The following PPFIA2 variants were observed in gnomAD, a reference collection of about 807,000 sequenced individuals.
PPFIA2 encodes the protein PPFI scaffold protein A2.
In PPFIA2, 46 loss-of-function variants were observed where a neutral mutation model predicts 175.5. The ratio of observed to expected loss-of-function variants is 0.26; its 90% confidence interval spans 0.21 to 0.34. The LOEUF (loss-of-function observed/expected upper bound fraction) is 0.34, where lower values mean the gene tolerates loss of function less well. Ranked by LOEUF, PPFIA2 falls within the 10% of genes least tolerant of loss-of-function variation. The pLI, the probability that PPFIA2 is intolerant of heterozygous loss-of-function variation, is 1.00. For synonymous variants in PPFIA2, 568 were observed against 511.4 expected (o/e 1.11, Z -1.49); for missense variants, 1,179 against 1,506.1 (o/e 0.78, Z 3.60).
intron 2 of PPFIA2, among the ~76,000 whole-genome samples, chr12:81,757,322 T>C (rs1487678105): frequency 6.6e-6 from 1 of 152,200 alleles, no homozygotes; most frequent in Non-Finnish European, 1.5e-5. Context: ...AAAAACTGCA[T>C]TCATCACATA....
At chr12:81,530,095 A>G (rs1319046845) in intron 4 of PPFIA2, among the ~76,000 whole-genome samples, 3 of 152,022 alleles carry the variant, frequency 2.0e-5, no homozygotes, top group African/African-American at 4.8e-5. Flanking sequence ...TTCAGCATCC[A>G]TAAAGATGTT....
At chr12:81,389,303 T>A (rs887046154) in intron 8 of PPFIA2, among the ~76,000 whole-genome samples, 1 of 151,596 alleles carries the variant, frequency 6.6e-6, no homozygotes, top group African/African-American at 2.4e-5. Flanking sequence ...TCCATTAAAA[T>A]CTTGTTAATG....
At chr12:81,707,005 T>C (rs1353390353) in intron 3 of PPFIA2, among the ~76,000 whole-genome samples, 2 of 152,038 alleles carry the variant, frequency 1.3e-5, no homozygotes, top group Non-Finnish European at 2.9e-5. Context: ...CCTTACACCT[T>C]ATACAAAAAT....
chr12:81,647,762 AATAT>A (rs34245057), intron 4 of PPFIA2, among the ~76,000 whole-genome samples: 2 of 136,526 alleles, frequency 1.5e-5, no homozygotes, highest in Non-Finnish European at 1.5e-5. Flanking sequence ...CTCTGTCTCA[AATAT>A]ATATATATAT....
chr12:81,264,048 C>G (rs2036474280), intron 30 of PPFIA2, among the ~76,000 whole-genome samples: 1 of 152,078 alleles, frequency 6.6e-6, no homozygotes, highest in Middle Eastern at 3.2e-3. Context: ...CATAATATTA[C>G]CCTGGTTACA....
At chr12:81,544,179 C>A (rs2066638099) in intron 4 of PPFIA2, among the ~76,000 whole-genome samples, 1 of 152,126 alleles carries the variant, frequency 6.6e-6, no homozygotes, top group South Asian at 2.1e-4. Context: ...GCTTTCTGTG[C>A]TATCTTCACA....
Position 81,508,494 on chromosome 12 carries a change from C to A in PPFIA2, c.304-50628G>T, listed in dbSNP as rs549455430. Among the ~76,000 whole-genome samples the A allele has an allele frequency of 8.1e-5, 10 of 123,362 alleles. No homozygotes were observed. In the South Asian group the frequency reaches 2.3e-3, roughly 29 times the overall value. The allele number at this position is 123,362 out of a possible 152,430, so 80.9% of individuals were successfully genotyped here. On this transcript the variant is annotated intron_variant, in intron 4 of 32. Transcript: ENST00000549396. Reference sequence around the variant, plus strand: ...CAAGATCATGCCATTGCACTCCAGCCTGGACAACAAGAGCAAAATTCCACC... The same window carrying A: ...CAAGATCATGCCATTGCACTCCAGCATGGACAACAAGAGCAAAATTCCACC...
At chr12:81,605,530 T>C (rs1354319929) in intron 4 of PPFIA2, among the ~76,000 whole-genome samples, 2 of 151,884 alleles carry the variant, frequency 1.3e-5, no homozygotes, top group Non-Finnish European at 2.9e-5. Flanking sequence ...TCATGCCATA[T>C]GGAATGAAAT....
At chr12:81,577,256 T>C (rs2073711186) in intron 4 of PPFIA2, among the ~76,000 whole-genome samples, 1 of 151,900 alleles carries the variant, frequency 6.6e-6, no homozygotes, top group South Asian at 2.1e-4. Context: ...TAGTAAAATA[T>C]TTCACTTTTA....
chr12:81,386,624 A>G (rs2039031904), intron 8 of PPFIA2, among the ~76,000 whole-genome samples: 1 of 151,920 alleles, frequency 6.6e-6, no homozygotes, highest in Admixed American at 6.6e-5. Context: ...TCTGACCAAT[A>G]GTAATAATGA....
chr12:81,367,241 ATCTT>A, intron 13 of PPFIA2, 71 bp from the exon 14 acceptor site: 1 of 983,416 alleles, frequency 1.0e-6, no homozygotes, highest in Non-Finnish European at 1.4e-6. Flanking sequence ...ATTGATTAAT[ATCTT>A]ATCACTCAAG....
intron 3 of PPFIA2, among the ~76,000 whole-genome samples, chr12:81,714,556 T>C (rs1430573404): frequency 2.6e-5 from 4 of 151,026 alleles, no homozygotes; most frequent in African/African-American, 9.7e-5. Flanking sequence ...GTGAATTATA[T>C]TGAATGCCCT....
chr12:81,681,096 C>T (rs560992475), intron 3 of PPFIA2, among the ~76,000 whole-genome samples: 5 of 151,934 alleles, frequency 3.3e-5, no homozygotes, highest in Admixed American at 6.6e-5. Flanking sequence ...CCTTATCACT[C>T]GAATCTGTAG....
intron 4 of PPFIA2, among the ~76,000 whole-genome samples, chr12:81,544,505 A>G (rs1262383667): frequency 6.6e-6 from 1 of 152,154 alleles, no homozygotes; most frequent in African/African-American, 2.4e-5. Context: ...TAGCTTTTGA[A>G]TGTCTCTTTG....
chr12:81,346,379 C>G (rs896080497), intron 18 of PPFIA2, among the ~76,000 whole-genome samples: 1 of 151,802 alleles, frequency 6.6e-6, no homozygotes, highest in African/African-American at 2.4e-5. Flanking sequence ...TGCCCTACTA[C>G]CTCCAGTTTT....
chr12:81,488,238 T>C (rs866837202), intron 4 of PPFIA2, among the ~76,000 whole-genome samples: 40 of 151,970 alleles, frequency 2.6e-4, no homozygotes, highest in African/African-American at 9.4e-4. Context: ...AGGACCATAA[T>C]AAAGCCAGAA....
intron 4 of PPFIA2, among the ~76,000 whole-genome samples, chr12:81,628,263 T>G (rs1486215023): frequency 6.6e-6 from 1 of 152,130 alleles, no homozygotes; most frequent in Non-Finnish European, 1.5e-5. Context: ...CAATCAGGCA[T>G]TTAAGGTATT....
At chr12:81,594,601 G>T (rs2153448704) in intron 4 of PPFIA2, among the ~76,000 whole-genome samples, 1 of 152,208 alleles carries the variant, frequency 6.6e-6, no homozygotes, top group African/African-American at 2.4e-5. Flanking sequence ...GTAGAATAGA[G>T]AAACTTGGTG....
rs1365087818 is a variant in PPFIA2, at chr12:81,375,644, C to G, written c.1131+152G>C. On this transcript the variant is annotated intron_variant, in intron 10 of 32. Coordinates refer to ENST00000549396, the MANE Select transcript of PPFIA2 (RefSeq NM_003625.5). Reference sequence around the variant, plus strand: ...ATCTTTCTGGAAAGTAAATTTCACACTGAAAATCGTATTTGTTTTGCTAGA... The same window carrying G: ...ATCTTTCTGGAAAGTAAATTTCACAGTGAAAATCGTATTTGTTTTGCTAGA... The G allele has an allele frequency of 3.9e-6, 3 of 763,388 alleles. No individual in the cohort carries two copies. The African/African-American group carries it at 5.3e-5, about 14-fold the overall frequency. 47.3% of individuals were successfully genotyped at this position (763,388 alleles called of 1,614,324 possible).
Sources: gnomAD v4.1 joint callset for allele counts (sites outside exome capture counted in the v4.1 genomes callset) on GRCh38, gnomAD v4.1.1 for gene constraint, MANE v1.5 for transcripts, NCBI Gene and HGNC (gene_info 2026-07-23, HGNC 2026-07-21) for gene names.